The following CFAP299 variants were observed in gnomAD, a reference collection of about 807,000 sequenced individuals.
The protein encoded by CFAP299 is cilia- and flagella-associated protein 299.
A neutral mutation model predicts 27.0 loss-of-function variants in CFAP299; 21 were observed. The ratio of observed to expected loss-of-function variants is 0.78; its 90% CI spans 0.55 to 1.12. CFAP299 has a LOEUF of 1.12. CFAP299 is among the 50% of genes most tolerant of loss of function. The pLI, the probability that CFAP299 is intolerant of heterozygous loss-of-function variation, is 0.00. For missense variants in CFAP299, 310 were observed against 276.6 expected, an observed-to-expected ratio of 1.12 and a Z score of -0.86; for synonymous variants, 104 against 98.1, an observed-to-expected ratio of 1.06 and a Z score of -0.36.
At chr4:80,695,373 T>C (rs1011568716) in intron 3 of CFAP299, among the ~76,000 whole-genome samples, 1 of 152,208 alleles carries the variant, frequency 6.6e-6, no homozygotes, top group Admixed American at 6.5e-5. Context: ...CTAATCTTAT[T>C]CCAGAAATAA....
At chr4:80,582,636 C>T (rs904521235) in intron 2 of CFAP299, among the ~76,000 whole-genome samples, 2 of 151,778 alleles carry the variant, frequency 1.3e-5, no homozygotes, top group Admixed American at 6.6e-5. Context: ...AACCTAGTTT[C>T]GTTTCCTGCC....
At chr4:80,614,071 TTGTC>T (rs1738146004) in intron 3 of CFAP299, among the ~76,000 whole-genome samples, 1 of 152,164 alleles carries the variant, frequency 6.6e-6, no homozygotes, top group Non-Finnish European at 1.5e-5. Flanking sequence ...AGCACCTGCT[TTGTC>T]TGTTAAGGAC....
chr4:80,445,991 T>C (rs569414193), intron 2 of CFAP299, among the ~76,000 whole-genome samples: 1 of 152,298 alleles, frequency 6.6e-6, no homozygotes, highest in South Asian at 2.1e-4. Flanking sequence ...CGCCTGAAAG[T>C]TTGAAATGGT....
chr4:80,390,686 C>CATATGTGT (rs1560543394), intron 2 of CFAP299, among the ~76,000 whole-genome samples: 4 of 139,540 alleles, frequency 2.9e-5, no homozygotes, highest in East Asian at 4.2e-4. Context: ...TGTATACACA[C>CATATGTGT]ATATATGTGT....
chr4:80,628,355 T>C (rs1739024860), intron 3 of CFAP299, among the ~76,000 whole-genome samples: 1 of 152,074 alleles, frequency 6.6e-6, no homozygotes, highest in Non-Finnish European at 1.5e-5. Flanking sequence ...AAGACTTACA[T>C]GTAAGACCCA....
chr4:80,540,684 A>G (rs948484591), intron 2 of CFAP299, among the ~76,000 whole-genome samples: 2 of 152,188 alleles, frequency 1.3e-5, no homozygotes, highest in African/African-American at 4.8e-5. Flanking sequence ...AGCAAGTTAA[A>G]AAACCTCTCA....
chr4:80,449,659 T>C (rs1728804617), intron 2 of CFAP299, among the ~76,000 whole-genome samples: 1 of 151,730 alleles, frequency 6.6e-6, no homozygotes, highest in Non-Finnish European at 1.5e-5. Context: ...AGAATTATAA[T>C]GAATAATTTA....
chr4:80,405,140 A>G (rs953129475), intron 2 of CFAP299, among the ~76,000 whole-genome samples: 2 of 152,108 alleles, frequency 1.3e-5, no homozygotes, highest in African/African-American at 4.8e-5. Flanking sequence ...TATGGATCTC[A>G]TTTCTTTGCA....
In CFAP299 at chr4:80,870,060, ACAG is replaced by A; in HGVS notation, c.402_404del (p.His134_Arg135delinsGln). The A allele has an allele frequency of 6.2e-7, 1 of 1,613,930 alleles. No homozygotes were observed. The highest frequency in any genetic ancestry group is 8.5e-7 in the Non-Finnish European group (1 of 1,179,866). On this transcript the variant is annotated inframe_deletion, in exon 4 of 6. Coordinates refer to ENST00000358105, the MANE Select transcript of CFAP299 (RefSeq NM_152770.3). ...ATATCAGGATACATCGACTATGCCC[ACAG>A]GCTAAAGACGGAAGATTTTGAAGTC...
rs1736142704 is a variant in CFAP299, at chr4:80,581,174, G to A, written c.243-1919G>A. 2.0e-5 allele frequency among the ~76,000 whole-genome samples: 3 copies of A among 151,670 alleles called. No individual in the cohort carries two copies. In the South Asian group the frequency reaches 6.2e-4, roughly 31 times the overall value. ...CAGACCATAAGCAGGAAATTAGGTAGAAGCTGGATAAGTGATTAGAAGCTT... is the reference window on the plus strand; with the variant it reads ...CAGACCATAAGCAGGAAATTAGGTAAAAGCTGGATAAGTGATTAGAAGCTT... On this transcript the variant is annotated intron_variant, in intron 2 of 5. Coordinates refer to ENST00000358105, the MANE Select transcript of CFAP299 (RefSeq NM_152770.3).
intron 3 of CFAP299, among the ~76,000 whole-genome samples, chr4:80,584,050 C>A (rs1387225435): frequency 6.6e-6 from 1 of 151,742 alleles, no homozygotes; most frequent in Non-Finnish European, 1.5e-5. Flanking sequence ...AAAAATCATA[C>A]CATGTTTAGT....
At chr4:80,376,056 C>A (rs563479958) in intron 2 of CFAP299, among the ~76,000 whole-genome samples, 70 of 152,242 alleles carry the variant, frequency 4.6e-4, no homozygotes, top group African/African-American at 1.5e-3. Context: ...TTTTCATTAC[C>A]GCAAAAAGTT....
intron 3 of CFAP299, chr4:80,648,986 T>C (rs1367034132): frequency 6.6e-6 from 1 of 152,178 alleles, no homozygotes; most frequent in Non-Finnish European, 1.5e-5. Flanking sequence ...GATAGATGGA[T>C]GGTGAGTTTA....
At chr4:80,671,237 T>G (rs1218622960) in intron 3 of CFAP299, among the ~76,000 whole-genome samples, 1 of 152,208 alleles carries the variant, frequency 6.6e-6, no homozygotes, top group Non-Finnish European at 1.5e-5. Flanking sequence ...CACCATTTAT[T>G]AAATAGGGAA....
intron 2 of CFAP299, among the ~76,000 whole-genome samples, chr4:80,435,333 G>A (rs1213256974): frequency 2.0e-5 from 3 of 152,162 alleles, no homozygotes; most frequent in Non-Finnish European, 2.9e-5. Flanking sequence ...AGCACACAGG[G>A]TAATAAGGAA....
intron 3 of CFAP299, among the ~76,000 whole-genome samples, chr4:80,691,901 C>T (rs1291334270): frequency 1.3e-5 from 2 of 152,110 alleles, no homozygotes; most frequent in Non-Finnish European, 2.9e-5. Context: ...ACACCAACAA[C>T]AGACAAACAG....
the CFAP299 span, among the ~76,000 whole-genome samples, chr4:80,328,758 C>T: frequency 1.3e-5 from 2 of 152,066 alleles, no homozygotes; most frequent in African/African-American, 2.4e-5. Flanking sequence ...TGAGTGATTT[C>T]CTGTAGGCTA....
intron 4 of CFAP299, among the ~76,000 whole-genome samples, chr4:80,909,386 T>C (rs541067412): frequency 1.1e-4 from 17 of 152,182 alleles, no homozygotes; most frequent in Non-Finnish European, 1.9e-4. Flanking sequence ...AATGACAATG[T>C]AAATAATAAA....
intron 4 of CFAP299, among the ~76,000 whole-genome samples, chr4:80,880,492 G>A (rs1023898248): frequency 1.3e-5 from 2 of 152,158 alleles, no homozygotes; most frequent in African/African-American, 4.8e-5. Context: ...AGCACTTTGG[G>A]AGGCCGAGGC....
Sources: gnomAD v4.1 joint callset for allele counts (sites outside exome capture counted in the v4.1 genomes callset) on GRCh38, gnomAD v4.1.1 for gene constraint, MANE v1.5 for transcripts, NCBI Gene and HGNC (gene_info 2026-07-23, HGNC 2026-07-21) for gene names.